The following CYP19A1 variants were observed in gnomAD, a reference collection of about 807,000 sequenced individuals.
CYP19A1 encodes the protein aromatase.
Under a neutral mutation model 44.4 loss-of-function variants are expected in CYP19A1, and 32 were observed. The ratio of observed to expected loss-of-function variants is 0.72; its 90% CI spans 0.54 to 0.97. The LOEUF (loss-of-function observed/expected upper bound fraction) is 0.97, where lower values mean the gene tolerates loss of function less well. Ranked by LOEUF, CYP19A1 falls within the 50% of genes least tolerant of loss-of-function variation. CYP19A1 has a pLI of 0.00. For missense variants in CYP19A1, 598 were observed against 637.8 expected, an observed-to-expected ratio of 0.94 and a Z score of 0.67; for synonymous variants, 212 against 215.6, an observed-to-expected ratio of 0.98 and a Z score of 0.14.
intron 4 of CYP19A1, 73 bp from the exon 5 acceptor site, chr15:51,222,598 T>C: frequency 8.0e-7 from 1 of 1,244,430 alleles, no homozygotes; most frequent in Non-Finnish European, 1.2e-6. Context: ...ATTTTGGCTT[T>C]TTATGTTGGA....
chr15:51,222,501 C>A lies in CYP19A1; in HGVS notation c.476G>T (p.Arg159Leu), dbSNP rs76174961. ...MKALSGPGLV[R>L]MVTVCAESLK... ...GGATTCAGCACAGACTGTGACCATA[C>A]GAACAAGGCCGGGGCCTGACAGAGC... Residue 159 changes from arginine to leucine, a missense_variant, in exon 5 of 10, where the codon CGT (arginine) becomes CTT (leucine). Physicochemically the swap from Arg to Leu is moderately radical, Grantham distance 102. Coordinates refer to ENST00000396402, the MANE Select transcript of CYP19A1 (RefSeq NM_000103.4). The A allele has an allele frequency of 1.9e-6, 3 of 1,613,938 alleles. No homozygotes were observed. The South Asian group carries it at 3.3e-5, about 18-fold the overall frequency.
chr15:51,275,231 C>A (rs765280097), intron 1 of CYP19A1, among the ~76,000 whole-genome samples: 4 of 152,214 alleles, frequency 2.6e-5, no homozygotes, highest in Admixed American at 2.0e-4. Context: ...TGGCCTGTGG[C>A]CACCACGGCC....
chr15:51,235,524 C>T (rs1204734431), intron 3 of CYP19A1, among the ~76,000 whole-genome samples: 1 of 152,186 alleles, frequency 6.6e-6, no homozygotes, highest in Non-Finnish European at 1.5e-5. Context: ...AGGTCTGCCT[C>T]AGCTACTCTT....
intron 1 of CYP19A1, among the ~76,000 whole-genome samples, chr15:51,308,807 G>A (rs2036259569): frequency 6.6e-6 from 1 of 152,108 alleles, no homozygotes. Flanking sequence ...TACCACACAG[G>A]AAACACAACA....
intron 1 of CYP19A1, among the ~76,000 whole-genome samples, chr15:51,314,585 T>A (rs940999542): frequency 6.6e-6 from 1 of 152,244 alleles, no homozygotes; most frequent in African/African-American, 2.4e-5. Flanking sequence ...GACCAAATCA[T>A]GCTAAACAAA....
Position 51,210,990 on chromosome 15 carries a change from T to C in CYP19A1, c.1330A>G (p.Met444Val), listed in dbSNP as rs767077469. 1 of 1,597,130 alleles carries C rather than the reference T, an allele frequency of 6.3e-7. No homozygotes were observed. The highest frequency in any genetic ancestry group is 2.2e-5 in the East Asian group (1 of 44,812). ...PRGCAGKYIA[M>V]VMMKAILVTL... ...ACGAGGATGGCTTTCATCATCACCA[T>C]GGCGATGTACTTTCCTGCACAGCCA... Residue 444 changes from methionine (M) to valine (V), a missense_variant, in exon 10 of 10, where the codon ATG becomes GTG. Transcript: ENST00000396402.
chr15:51,331,275 C>T (rs928877554), intron 1 of CYP19A1, among the ~76,000 whole-genome samples: 2 of 152,188 alleles, frequency 1.3e-5, no homozygotes, highest in Non-Finnish European at 2.9e-5. Context: ...CGAGGCCTTC[C>T]TGCAGAGAGG....
Position 51,242,948 on chromosome 15 carries a change from G to A in CYP19A1, c.-36C>T, listed in dbSNP as rs1280626918. ...TTGACCTCAGAGGGGGCAATTTAGA[G>A]TCCTGTGGAAATCAAAGGGACAGAA... On this transcript the variant is annotated splice_region_variant and 5_prime_UTR_variant, in exon 2 of 10. Transcript: ENST00000396402. 6.5e-7 allele frequency: 1 copy of A among 1,526,782 alleles called. No individual in the cohort carries two copies. The highest frequency in any genetic ancestry group is 9.1e-7 in the Non-Finnish European group (1 of 1,100,338). 94.6% of individuals were successfully genotyped at this position (1,526,782 alleles called of 1,614,324 possible). A position where few individuals can be genotyped will look rare whatever the true frequency, so the allele number is the denominator to read the frequency against.
chr15:51,226,219 G>A (rs1393625848), intron 4 of CYP19A1, among the ~76,000 whole-genome samples: 2 of 152,070 alleles, frequency 1.3e-5, no homozygotes, highest in Non-Finnish European at 1.5e-5. Context: ...CACTGTTGAT[G>A]GCTTTGAAGT....
intron 1 of CYP19A1, among the ~76,000 whole-genome samples, chr15:51,248,887 A>C (rs1431270082): frequency 6.6e-6 from 1 of 151,950 alleles, no homozygotes; most frequent in African/African-American, 2.4e-5. Flanking sequence ...TCCTCTGCTA[A>C]AAACCTTTCT....
chr15:51,299,608 G>A (rs2140999663), intron 1 of CYP19A1, among the ~76,000 whole-genome samples: 1 of 152,298 alleles, frequency 6.6e-6, no homozygotes, highest in Middle Eastern at 3.4e-3. Context: ...CAAACAAAAG[G>A]CCATGAGGAG....
intron 1 of CYP19A1, among the ~76,000 whole-genome samples, chr15:51,335,712 G>C (rs2036764658): frequency 6.6e-6 from 1 of 152,126 alleles, no homozygotes; most frequent in Admixed American, 6.5e-5. Context: ...GCAGTAAAAG[G>C]TAATCTTTTA....
intron 2 of CYP19A1, among the ~76,000 whole-genome samples, chr15:51,237,456 C>A (rs1410962287): frequency 1.3e-5 from 2 of 152,154 alleles, no homozygotes; most frequent in Non-Finnish European, 2.9e-5. Flanking sequence ...CCGGTTGACA[C>A]AATGGGTGGG....
chr15:51,212,203 C>A (rs2031063941), intron 9 of CYP19A1, 117 bp downstream of exon 9: 2 of 817,432 alleles, frequency 2.4e-6, no homozygotes, highest in Admixed American at 1.7e-5. Flanking sequence ...GGTGAGGTGG[C>A]AGAGGGAATG....
intron 1 of CYP19A1, chr15:51,312,264 G>T (rs1487832995): frequency 6.6e-6 from 1 of 152,180 alleles, no homozygotes; most frequent in Non-Finnish European, 1.5e-5. Flanking sequence ...AGATGCTAAG[G>T]CACAGAATAT....
chr15:51,320,708 T>G (rs1428103072), intron 1 of CYP19A1, among the ~76,000 whole-genome samples: 1 of 152,160 alleles, frequency 6.6e-6, no homozygotes, highest in Non-Finnish European at 1.5e-5. Context: ...CCTTATCCTC[T>G]TCCCCTCTAA....
intron 1 of CYP19A1, among the ~76,000 whole-genome samples, chr15:51,308,549 T>C (rs2036255310): frequency 6.6e-6 from 1 of 152,190 alleles, no homozygotes; most frequent in South Asian, 2.1e-4. Context: ...CCCCAGACTC[T>C]GCTGTCAGTG....
In CYP19A1 at chr15:51,323,308, C is replaced by T. The variant is rs180796740; in HGVS notation, c.-39+15187G>A. ...GCTGCTCTCAGGTAGGGAGTAGCCA[C>T]ACTCAGGCATAATACTTCCTAAAGA... On this transcript the variant is annotated intron_variant, in intron 1 of 9. Transcript: ENST00000396402. Among the ~76,000 whole-genome samples, 611 of 152,308 alleles carry T rather than the reference C, an allele frequency of 4.0e-3. 2 individuals carry two copies. Among genetic ancestry groups the T allele is most frequent in the South Asian group, 7.5e-3 (36 of 4,828 alleles).
chr15:51,291,456 T>C (rs1415835102), intron 1 of CYP19A1, among the ~76,000 whole-genome samples: 1 of 152,152 alleles, frequency 6.6e-6, no homozygotes, highest in African/African-American at 2.4e-5. Context: ...ATTTGACAAG[T>C]GCTTATTGTA....
Sources: allele counts gnomAD v4.1 joint callset (sites outside exome capture counted in the v4.1 genomes callset), GRCh38; gene constraint gnomAD v4.1.1; transcripts MANE v1.5; gene names NCBI Gene and HGNC (gene_info 2026-07-23, HGNC 2026-07-21).